The following KIAA0825 variants were observed in gnomAD, a reference collection of about 807,000 sequenced individuals.
KIAA0825 encodes uncharacterized protein KIAA0825.
Under a neutral mutation model 147.6 loss-of-function variants are expected in KIAA0825, and 119 were observed. That is an observed-to-expected ratio of 0.81 (90% confidence interval 0.69 to 0.94). The LOEUF (loss-of-function observed/expected upper bound fraction) is 0.94. Among genes scored for constraint, KIAA0825 ranks in the 40% least tolerant of loss-of-function variants. The probability of loss-of-function intolerance (pLI) is 0.00; values close to 1 mark genes in which losing one functional copy is unlikely to be tolerated. For missense variants in KIAA0825, 1,381 were observed against 1,472.7 expected, an observed-to-expected ratio of 0.94 and a Z score of 1.02; for synonymous variants, 470 against 518.1, an observed-to-expected ratio of 0.91 and a Z score of 1.26.
chr5:94,493,412 AC>A (rs1370683079), intron 5 of KIAA0825, among the ~76,000 whole-genome samples: 1 of 152,202 alleles, frequency 6.6e-6, no homozygotes. Flanking sequence ...CAAAGTAGCA[AC>A]TGCTTCCATA....
intron 20 of KIAA0825, among the ~76,000 whole-genome samples, chr5:94,294,394 G>A (rs1778042266): frequency 6.6e-6 from 1 of 152,172 alleles, no homozygotes; most frequent in Non-Finnish European, 1.5e-5. Context: ...ATGAAGCTTA[G>A]TTTAGCTGGA....
Position 94,593,240 on chromosome 5 carries a change from T to G in KIAA0825, c.-152-10657A>C, listed in dbSNP as rs7711380. On this transcript the variant is annotated intron_variant, in intron 1 of 20. Coordinates refer to ENST00000682413, the MANE Select transcript of KIAA0825 (RefSeq NM_001145678.3). ...TTTGATATTAAACTGCTGTCAGAATTTTCCTCTTGCTTAGCAGATCAGCAT... is the reference window on the plus strand; with the variant it reads ...TTTGATATTAAACTGCTGTCAGAATGTTCCTCTTGCTTAGCAGATCAGCAT... The G allele has an allele frequency of 0.015, 11,358 of 763,268 alleles. 902 individuals are homozygous for G. In the African/African-American group the frequency reaches 0.17, roughly 11 times the overall value. The allele number at this position is 763,268 out of a possible 1,614,324, so 47.3% of individuals were successfully genotyped here.
intron 20 of KIAA0825, among the ~76,000 whole-genome samples, chr5:94,278,713 C>G (rs533740465): frequency 6.6e-6 from 1 of 152,126 alleles, no homozygotes; most frequent in Non-Finnish European, 1.5e-5. Flanking sequence ...CCTGAATGAT[C>G]ACTACTTCTT....
intron 20 of KIAA0825, among the ~76,000 whole-genome samples, chr5:94,362,290 C>T (rs1388695848): frequency 1.3e-5 from 2 of 152,156 alleles, no homozygotes; most frequent in Non-Finnish European, 2.9e-5. Flanking sequence ...AGAACAGGTG[C>T]CCCTTCTACT....
At chr5:94,558,372 A>G (rs1776958457) in intron 2 of KIAA0825, among the ~76,000 whole-genome samples, 1 of 152,220 alleles carries the variant, frequency 6.6e-6, no homozygotes, top group African/African-American at 2.4e-5. Context: ...AAACCAGTCA[A>G]GTTAATTCCA....
chr5:94,198,977 G>T lies in KIAA0825; in HGVS notation c.3711-44853C>A, dbSNP rs1172071712. 4.6e-5 allele frequency among the ~76,000 whole-genome samples: 7 copies of T among 152,070 alleles called. No individual in the cohort carries two copies. In the East Asian group the frequency reaches 1.4e-3, roughly 29 times the overall value. On this transcript the variant is annotated intron_variant, in intron 20 of 20. Transcript: ENST00000682413. The stretch of plus-strand genomic sequence containing the variant: ...CATTTTACTCTTTTCCTTAGATTGG[G>T]TTTCAAACTTCTCCTGTATCTTTTT...
chr5:94,235,706 A>G (rs1583934111), intron 20 of KIAA0825, among the ~76,000 whole-genome samples: 1 of 152,358 alleles, frequency 6.6e-6, no homozygotes, highest in East Asian at 1.9e-4. Context: ...CAAAGCTTCA[A>G]AGGACAGGTT....
intron 20 of KIAA0825, among the ~76,000 whole-genome samples, chr5:94,255,256 C>T (rs1776184049): frequency 6.6e-6 from 1 of 151,568 alleles, no homozygotes; most frequent in South Asian, 2.1e-4. Flanking sequence ...GGGAAGGCAT[C>T]GATTTTTCCT....
intron 20 of KIAA0825, among the ~76,000 whole-genome samples, chr5:94,209,544 G>T (rs1772512892): frequency 6.6e-6 from 1 of 152,124 alleles, no homozygotes; most frequent in Non-Finnish European, 1.5e-5. Flanking sequence ...AAGTTGAAAA[G>T]GGTTGTGCTC....
intron 13 of KIAA0825, among the ~76,000 whole-genome samples, chr5:94,446,814 G>T (rs1468979310): frequency 6.6e-6 from 1 of 152,166 alleles, no homozygotes; most frequent in Non-Finnish European, 1.5e-5. Context: ...TCTTGCTACA[G>T]TTGGAGAATA....
chr5:94,581,836 G>A (rs1052331094), intron 2 of KIAA0825, among the ~76,000 whole-genome samples: 2 of 152,120 alleles, frequency 1.3e-5, no homozygotes, highest in Admixed American at 1.3e-4. Context: ...AAGGTGAGGT[G>A]GATGCATTTT....
intron 1 of KIAA0825, among the ~76,000 whole-genome samples, chr5:94,610,863 T>C (rs377133540): frequency 6.7e-6 from 1 of 149,366 alleles, no homozygotes; most frequent in East Asian, 2.0e-4. Flanking sequence ...TACTCGTCTA[T>C]ATTACAAAAA....
At chr5:94,373,508 G>GA (rs913106389) in intron 20 of KIAA0825, among the ~76,000 whole-genome samples, 1 of 152,206 alleles carries the variant, frequency 6.6e-6, no homozygotes, top group African/African-American at 2.4e-5. Flanking sequence ...TACAATCTTG[G>GA]TGGAAGGGGA....
At chr5:94,224,470 G>T in intron 20 of KIAA0825, among the ~76,000 whole-genome samples, 1 of 152,036 alleles carries the variant, frequency 6.6e-6, no homozygotes, top group South Asian at 2.1e-4. Flanking sequence ...ATTTCTATCA[G>T]AGGAGAATAT....
chr5:94,484,125 G>A (rs1762779482), intron 6 of KIAA0825, among the ~76,000 whole-genome samples: 1 of 151,408 alleles, frequency 6.6e-6, no homozygotes, highest in South Asian at 2.1e-4. Context: ...ACACAGCATG[G>A]CTTTTTTCAA....
At chr5:94,502,971 T>C (rs1282245691) in intron 5 of KIAA0825, among the ~76,000 whole-genome samples, 1 of 151,406 alleles carries the variant, frequency 6.6e-6, no homozygotes, top group Non-Finnish European at 1.5e-5. Flanking sequence ...TAGCTGGGCA[T>C]GGTGGTGGGC....
intron 20 of KIAA0825, among the ~76,000 whole-genome samples, chr5:94,306,981 A>G (rs571970325): frequency 6.6e-6 from 1 of 151,928 alleles, no homozygotes; most frequent in Admixed American, 6.6e-5. Flanking sequence ...AGGTTCATGT[A>G]TCTATACCCA....
At chr5:94,184,403 A>T (rs991620565) in intron 20 of KIAA0825, among the ~76,000 whole-genome samples, 6 of 152,190 alleles carry the variant, frequency 3.9e-5, no homozygotes, top group Non-Finnish European at 7.3e-5. Context: ...TGCCATTTTC[A>T]TACATGCATT....
intron 1 of KIAA0825, among the ~76,000 whole-genome samples, chr5:94,601,730 C>T (rs141297569): frequency 3.0e-3 from 451 of 152,220 alleles, no homozygotes; most frequent in African/African-American, 0.01. Context: ...CACCATACAA[C>T]AATTTCATAA....
Sources: gnomAD v4.1 joint callset for allele counts (sites outside exome capture counted in the v4.1 genomes callset) on GRCh38, gnomAD v4.1.1 for gene constraint, MANE v1.5 for transcripts, NCBI Gene and HGNC (gene_info 2026-07-23, HGNC 2026-07-21) for gene names.